The following E2F3 variants were observed in gnomAD, a reference collection of about 807,000 sequenced individuals.
E2F3 encodes transcription factor E2F3.
Under a neutral mutation model 44.4 loss-of-function variants are expected in E2F3, and 11 were observed. That is an observed-to-expected ratio of 0.25 (90% CI 0.16 to 0.41). E2F3 has a LOEUF of 0.41. Among genes scored for constraint, E2F3 ranks in the 10% least tolerant of loss-of-function variants. The probability of loss-of-function intolerance (pLI) is 1.00; values close to 1 mark genes in which losing one functional copy is unlikely to be tolerated. For synonymous variants in E2F3, 249 were observed against 253.0 expected, an observed-to-expected ratio of 0.98 and a Z score of 0.15; for missense variants, 487 against 583.6, an observed-to-expected ratio of 0.83 and a Z score of 1.70.
chr6:20,438,252 A>C (rs530579592), intron 1 of E2F3, among the ~76,000 whole-genome samples: 6 of 152,362 alleles, frequency 3.9e-5, no homozygotes, highest in African/African-American at 1.2e-4. Context: ...CTATATAAAC[A>C]TAAGGGTGTT....
chr6:20,412,819 G>A (rs374974309), intron 1 of E2F3, among the ~76,000 whole-genome samples: 3 of 152,162 alleles, frequency 2.0e-5, no homozygotes, highest in Non-Finnish European at 4.4e-5. Flanking sequence ...AGGAAATTGC[G>A]CAGGCCAAAC....
intron 1 of E2F3, among the ~76,000 whole-genome samples, chr6:20,408,640 C>T (rs1015769481): frequency 6.6e-6 from 1 of 152,180 alleles, no homozygotes; most frequent in Non-Finnish European, 1.5e-5. Context: ...CAGCCAGATG[C>T]ACTTTGCTTT....
chr6:20,460,717 C>G (rs1036440249), intron 1 of E2F3, among the ~76,000 whole-genome samples: 1 of 152,114 alleles, frequency 6.6e-6, no homozygotes, highest in African/African-American at 2.4e-5. Flanking sequence ...ATGTTTTGGC[C>G]AGGCATGGTG....
chr6:20,479,768 A>G (rs1275978180), intron 1 of E2F3, 78 bp from the exon 2 acceptor site: 10 of 1,263,672 alleles, frequency 7.9e-6, no homozygotes, highest in African/African-American at 1.5e-5. Context: ...AGCATTTGGC[A>G]GGCCAGCCCA....
chr6:20,489,446 T>C (rs934896350), intron 6 of E2F3, among the ~76,000 whole-genome samples: 2 of 151,356 alleles, frequency 1.3e-5, no homozygotes, highest in African/African-American at 2.4e-5. Context: ...CACTCCAGCG[T>C]AGACAACATA....
At chr6:20,424,949 C>T (rs1760163055) in intron 1 of E2F3, among the ~76,000 whole-genome samples, 1 of 152,144 alleles carries the variant, frequency 6.6e-6, no homozygotes. Context: ...AACCCAGACA[C>T]GTGGGGTTTT....
chr6:20,477,816 G>A (rs1762095334), intron 1 of E2F3, among the ~76,000 whole-genome samples: 1 of 152,134 alleles, frequency 6.6e-6, no homozygotes, highest in Admixed American at 6.6e-5. Context: ...TCACATTGAG[G>A]AAGGTGTGGT....
rs766868785 is a variant in E2F3, at chr6:20,482,788, G to T, written c.752G>T (p.Gly251Val). The change falls in exon 4 of 7, where the codon GGC (glycine) becomes GTC (valine). Residue 251 changes from glycine (G) to valine (V), a missense_variant. Gly to Val is a moderately radical substitution (Grantham distance 109). Transcript: ENST00000346618. ...WMGCSLSEDG[G>V]MLAQCQGLSK... ...GGCTGCAGTCTGTCTGAGGATGGGG[G>T]CATGCTGGCCCAGTGTCAAGGCCTG... is the stretch of plus-strand genomic sequence containing the variant. 2.5e-6 allele frequency: 4 copies of T among 1,611,800 alleles called. No homozygotes were observed. The highest frequency in any genetic ancestry group is 1.7e-5 in the Admixed American group (1 of 59,928).
intron 1 of E2F3, among the ~76,000 whole-genome samples, chr6:20,426,884 A>T (rs1479365036): frequency 2.0e-5 from 3 of 152,130 alleles, no homozygotes; most frequent in Non-Finnish European, 4.4e-5. Context: ...CTGTAGCTCC[A>T]CTGTGCTGAT....
intron 1 of E2F3, among the ~76,000 whole-genome samples, chr6:20,471,598 A>C (rs1761892232): frequency 1.3e-5 from 2 of 152,294 alleles, no homozygotes; most frequent in South Asian, 2.1e-4. Context: ...TAAAATAAAA[A>C]TATGTTGGAC....
intron 1 of E2F3, among the ~76,000 whole-genome samples, chr6:20,479,411 G>A (rs1762148070): frequency 6.6e-6 from 1 of 152,216 alleles, no homozygotes; most frequent in African/African-American, 2.4e-5. Context: ...AATAAACACA[G>A]AGTGTTTGGG....
chr6:20,408,129 A>G (rs1271029335), intron 1 of E2F3, among the ~76,000 whole-genome samples: 1 of 152,256 alleles, frequency 6.6e-6, no homozygotes, highest in Non-Finnish European at 1.5e-5. Flanking sequence ...TCTACTAATC[A>G]TTGTTCATGG....
At chr6:20,453,616 T>C (rs937539607) in intron 1 of E2F3, among the ~76,000 whole-genome samples, 1 of 152,132 alleles carries the variant, frequency 6.6e-6, no homozygotes, top group African/African-American at 2.4e-5. Context: ...CTCGCTACAT[T>C]GTCCAGGCTG....
At chr6:20,438,968 C>T (rs1760682410) in intron 1 of E2F3, among the ~76,000 whole-genome samples, 1 of 152,150 alleles carries the variant, frequency 6.6e-6, no homozygotes. Flanking sequence ...GATTCCCCCA[C>T]CCTTTGCCAA....
intron 1 of E2F3, among the ~76,000 whole-genome samples, chr6:20,469,384 C>T (rs1761816571): frequency 6.6e-6 from 1 of 152,112 alleles, no homozygotes; most frequent in South Asian, 2.1e-4. Flanking sequence ...ACAGAGGTGA[C>T]CACCAGGAGA....
chr6:20,403,710 C>A (rs951985541), intron 1 of E2F3: 15 of 865,294 alleles, frequency 1.7e-5, no homozygotes, highest in East Asian at 3.2e-5. Flanking sequence ...TCCCCACCCC[C>A]CCACCGGCGC....
At chr6:20,484,590 C>G (rs1762330481) in intron 4 of E2F3, among the ~76,000 whole-genome samples, 1 of 152,164 alleles carries the variant, frequency 6.6e-6, no homozygotes, top group African/African-American at 2.4e-5. Context: ...CCGTTGACTT[C>G]TTTGATGGGT....
chr6:20,408,105 T>C (rs1759549681), intron 1 of E2F3, among the ~76,000 whole-genome samples: 1 of 152,260 alleles, frequency 6.6e-6, no homozygotes, highest in Non-Finnish European at 1.5e-5. Context: ...TCACGATTGC[T>C]AAAAAGCATT....
At chr6:20,483,061 G>T in intron 4 of E2F3, 141 bp downstream of exon 4, 1 of 1,273,034 alleles carries the variant, frequency 7.9e-7, no homozygotes, top group South Asian at 1.3e-5. Flanking sequence ...GTGTATGTGT[G>T]TGTGTGTGCA....
Sources: gnomAD v4.1 joint callset for allele counts (sites outside exome capture counted in the v4.1 genomes callset) on GRCh38, gnomAD v4.1.1 for gene constraint, MANE v1.5 for transcripts, NCBI Gene and HGNC (gene_info 2026-07-23, HGNC 2026-07-21) for gene names.